CPED1: variants seen among roughly 807,000 people sequenced by gnomAD.
The protein encoded by CPED1 is cadherin like and PC-esterase domain containing 1.
CPED1 carries 114 observed loss-of-function variants against 128.2 expected under a neutral mutation model. The observed-to-expected ratio is 0.89, with a 90% CI of 0.76 to 1.04. The LOEUF (loss-of-function observed/expected upper bound fraction) is 1.04. CPED1 is among the 50% of genes least tolerant of loss of function. The pLI, the probability that CPED1 is intolerant of heterozygous loss-of-function variation, is 0.00. For synonymous variants in CPED1, 462 were observed against 426.7 expected (o/e 1.08, Z -1.02); for missense variants, 1,211 against 1,207.1 (o/e 1.00, Z -0.05).
At chr7:121,256,625 T>C (rs972635130) in intron 18 of CPED1, among the ~76,000 whole-genome samples, 12 of 152,120 alleles carry the variant, frequency 7.9e-5, no homozygotes, top group African/African-American at 2.9e-4. Flanking sequence ...GTTCAGCCAC[T>C]GTGGAAAGCA....
intron 2 of CPED1, among the ~76,000 whole-genome samples, chr7:121,001,908 G>T (rs985173613): frequency 6.6e-6 from 1 of 152,012 alleles, no homozygotes; most frequent in South Asian, 2.1e-4. Context: ...AAAAGACAGA[G>T]GAATATATAT....
chr7:121,229,796 TG>T lies in CPED1; in HGVS notation c.2056-6917del, dbSNP rs1798096871. 2.0e-5 allele frequency among the ~76,000 whole-genome samples: 3 copies of T among 152,074 alleles called. No homozygotes were observed. The South Asian group carries it at 6.2e-4, about 31-fold the overall frequency. On this transcript the variant is annotated intron_variant, in intron 16 of 22. Coordinates refer to ENST00000310396, the MANE Select transcript of CPED1 (RefSeq NM_024913.5). ...AATTTTTCTCTTATTCTAAAATGTT[TG>T]TTTTTTTAGTTCACGTCCTAAAAAA...
chr7:121,248,613 A>AAG, intron 18 of CPED1, among the ~76,000 whole-genome samples: 1 of 151,378 alleles, frequency 6.6e-6, no homozygotes, highest in African/African-American at 2.4e-5. Flanking sequence ...AAAAAAAAAA[A>AAG]GCATTAAGCC....
chr7:121,085,954 A>G (rs1419354827), intron 5 of CPED1, among the ~76,000 whole-genome samples: 2 of 152,206 alleles, frequency 1.3e-5, no homozygotes, highest in Non-Finnish European at 2.9e-5. Flanking sequence ...ACCTTCACAT[A>G]TAAAGCCGTA....
intron 7 of CPED1, among the ~76,000 whole-genome samples, chr7:121,103,016 A>T (rs1460664444): frequency 6.6e-6 from 1 of 152,246 alleles, no homozygotes; most frequent in South Asian, 2.1e-4. Context: ...TCCTCTTTGT[A>T]TGTAAGTGCC....
At chr7:121,273,655 G>A (rs1792275296) in intron 22 of CPED1, among the ~76,000 whole-genome samples, 1 of 152,128 alleles carries the variant, frequency 6.6e-6, no homozygotes, top group Non-Finnish European at 1.5e-5. Context: ...AAATGGAACT[G>A]CATTTCAGAG....
intron 5 of CPED1, among the ~76,000 whole-genome samples, chr7:121,079,000 C>T (rs1163716692): frequency 6.6e-6 from 1 of 152,170 alleles, no homozygotes; most frequent in African/African-American, 2.4e-5. Flanking sequence ...ATGTTCTTTT[C>T]CTTATGTGCA....
At chr7:121,293,809 G>T (rs1333744141) in intron 22 of CPED1, among the ~76,000 whole-genome samples, 1 of 151,888 alleles carries the variant, frequency 6.6e-6, no homozygotes, top group African/African-American at 2.4e-5. Flanking sequence ...GCCTCACCCT[G>T]CTTCTGCTTG....
At chr7:121,258,682 G>A (rs1440907238) in intron 18 of CPED1, among the ~76,000 whole-genome samples, 1 of 152,022 alleles carries the variant, frequency 6.6e-6, no homozygotes, top group Non-Finnish European at 1.5e-5. Context: ...AAGATTCTGA[G>A]GTTCCCACTT....
At chr7:121,152,361 A>G (rs116911921) in intron 16 of CPED1, among the ~76,000 whole-genome samples, 2,219 of 152,332 alleles carry the variant, frequency 0.015, 33 homozygotes, top group Non-Finnish European at 0.023. Context: ...AATTCTTGAT[A>G]AAGTTAAGAG....
At chr7:121,125,998 C>T (rs745597995) in intron 9 of CPED1, 106 bp downstream of exon 9, 8 of 814,686 alleles carry the variant, frequency 9.8e-6, no homozygotes, top group Admixed American at 4.5e-5. Flanking sequence ...CAATAAATAG[C>T]AATTTGCAAA....
At chr7:121,112,189 A>G (rs1223682052) in intron 7 of CPED1, among the ~76,000 whole-genome samples, 2 of 152,110 alleles carry the variant, frequency 1.3e-5, no homozygotes, top group Non-Finnish European at 2.9e-5. Flanking sequence ...TGTATAGTAG[A>G]TCGAATGGCT....
At chr7:121,284,825 G>A (rs962502729) in intron 22 of CPED1, among the ~76,000 whole-genome samples, 2 of 152,200 alleles carry the variant, frequency 1.3e-5, no homozygotes, top group African/African-American at 4.8e-5. Flanking sequence ...TTGAGTGTCT[G>A]TGGCTTTTCC....
chr7:121,100,139 G>C, intron 7 of CPED1, 45 bp downstream of exon 7: 1 of 1,565,402 alleles, frequency 6.4e-7, no homozygotes, highest in Non-Finnish European at 8.8e-7. Flanking sequence ...GTACACTGAA[G>C]TAAAGTAAAG....
Position 121,052,129 on chromosome 7 carries a change from G to T in CPED1, c.540+5136G>T, listed in dbSNP as rs1208773414. The T allele has an allele frequency of 2.0e-5, 3 of 152,100 alleles. No homozygotes were observed. In the East Asian group the frequency reaches 5.8e-4, roughly 29 times the overall value. 9.4% of individuals were successfully genotyped at this position (152,100 alleles called of 1,614,324 possible). Reference sequence around the variant, plus strand: ...TTGAGGAACACCCCATACTACTTTGGCTGCCACTGATGGCTCCTGTGATAG... The same window carrying T: ...TTGAGGAACACCCCATACTACTTTGTCTGCCACTGATGGCTCCTGTGATAG... On this transcript the variant is annotated intron_variant, in intron 4 of 22. Coordinates refer to ENST00000310396, the MANE Select transcript of CPED1 (RefSeq NM_024913.5).
intron 18 of CPED1, chr7:121,261,520 TA>T: frequency 2.1e-6 from 3 of 1,430,608 alleles, no homozygotes; most frequent in Non-Finnish European, 2.9e-6. Flanking sequence ...TGACATTAGG[TA>T]TTTGGCCATG....
intron 2 of CPED1, among the ~76,000 whole-genome samples, chr7:121,009,221 G>A (rs1792099822): frequency 6.6e-6 from 1 of 152,090 alleles, no homozygotes; most frequent in South Asian, 2.1e-4. Context: ...GCACAGCAAG[G>A]AAATTTAATA....
intron 22 of CPED1, among the ~76,000 whole-genome samples, chr7:121,291,814 C>G (rs1403714846): frequency 6.6e-6 from 1 of 152,178 alleles, no homozygotes; most frequent in African/African-American, 2.4e-5. Flanking sequence ...CCTGATTGCC[C>G]TGGCCAGAAC....
intron 7 of CPED1, among the ~76,000 whole-genome samples, chr7:121,111,521 G>A (rs533427698): frequency 1.3e-5 from 2 of 152,266 alleles, no homozygotes; most frequent in South Asian, 4.1e-4. Context: ...TCTTTTGAAG[G>A]ATAGTAGAGT....
Sources: gnomAD v4.1 joint callset for allele counts (sites outside exome capture counted in the v4.1 genomes callset) on GRCh38, gnomAD v4.1.1 for gene constraint, MANE v1.5 for transcripts, NCBI Gene and HGNC (gene_info 2026-07-23, HGNC 2026-07-21) for gene names.